Variants in ETHE1 observed in about 807,000 individuals in gnomAD.
The protein encoded by ETHE1 is ETHE1 persulfide dioxygenase, also known as persulfide dioxygenase ETHE1, mitochondrial.
A neutral mutation model predicts 25.7 loss-of-function variants in ETHE1; 16 were observed. That is an observed-to-expected ratio of 0.62 (90% CI 0.42 to 0.95). The LOEUF is 0.95. Among genes scored for constraint, ETHE1 ranks in the 40% least tolerant of loss-of-function variants. ETHE1 has a pLI of 0.00. For synonymous variants in ETHE1, 139 were observed against 135.9 expected, an observed-to-expected ratio of 1.02 and a Z score of -0.16; for missense variants, 300 against 333.6, an observed-to-expected ratio of 0.90 and a Z score of 0.79.
intron 3 of ETHE1, among the ~76,000 whole-genome samples, chr19:43,518,573 C>T (rs370260034): frequency 6.0e-5 from 9 of 150,984 alleles, no homozygotes; most frequent in Admixed American, 4.0e-4. Flanking sequence ...GGTGAAACCC[C>T]GTCTCTACTA....
In ETHE1 at chr19:43,506,916, A is replaced by G. The variant is rs549610268; in HGVS notation, c.713-14T>C. ...GAACAGCAAAGTCTGAAAGGAAGAA[A>G]TCAAGGTTAAAACTAAGGGGCCTAG... is the stretch of plus-strand genomic sequence containing the variant. On this transcript the variant is annotated splice_polypyrimidine_tract_variant and intron_variant, in intron 6 of 6. Coordinates refer to ENST00000292147, the MANE Select transcript of ETHE1 (RefSeq NM_014297.5). The G allele has an allele frequency of 6.2e-7, 1 of 1,613,734 alleles. No homozygotes were observed. The highest frequency in any genetic ancestry group is 1.3e-5 in the African/African-American group (1 of 74,996).
At chr19:43,510,172 A>G (rs1052992797) in intron 4 of ETHE1, among the ~76,000 whole-genome samples, 19 of 151,934 alleles carry the variant, frequency 1.3e-4, no homozygotes, top group African/African-American at 4.6e-4. Flanking sequence ...CCCCACATTC[A>G]CACACATGCT....
chr19:43,509,754 C>A (rs187497262), intron 4 of ETHE1, among the ~76,000 whole-genome samples: 1 of 152,104 alleles, frequency 6.6e-6, no homozygotes, highest in Non-Finnish European at 1.5e-5. Flanking sequence ...CAAGATTGCA[C>A]CACTGCACTC....
At chr19:43,510,914 G>A (rs868646350) in intron 4 of ETHE1, among the ~76,000 whole-genome samples, 26 of 152,096 alleles carry the variant, frequency 1.7e-4, no homozygotes, top group African/African-American at 4.8e-4. Flanking sequence ...CATCACTCCC[G>A]TTACCACCTG....
At chr19:43,518,887 G>GC (rs1357943319) in intron 3 of ETHE1, among the ~76,000 whole-genome samples, 2 of 150,358 alleles carry the variant, frequency 1.3e-5, no homozygotes, top group Non-Finnish European at 1.5e-5. Flanking sequence ...TGGACTTTTT[G>GC]CCCATTTTCA....
chr19:43,508,185 T>G (rs1971833877), intron 5 of ETHE1, 125 bp from the exon 6 acceptor site: 3 of 1,465,202 alleles, frequency 2.0e-6, no homozygotes, highest in Non-Finnish European at 2.8e-6. Flanking sequence ...TTCCTAAAAT[T>G]GCTTTCCCTC....
At chr19:43,510,162 C>A (rs1971881483) in intron 4 of ETHE1, among the ~76,000 whole-genome samples, 1 of 152,042 alleles carries the variant, frequency 6.6e-6, no homozygotes, top group Admixed American at 6.6e-5. Flanking sequence ...CTAGTGTTAA[C>A]CCCACATTCA....
rs1160558441 is a variant in ETHE1, at chr19:43,526,551, G to A, written c.190C>T (p.Leu64=). Reference sequence around the variant, plus strand: ...AGCCGCAGCCCCAGCTCCTTGATCAGCTGGGCATCCCGAGGCGCTGTTTCC... The same window carrying A: ...AGCCGCAGCCCCAGCTCCTTGATCAACTGGGCATCCCGAGGCGCTGTTTCC... ...VLETAPRDAQ[L]IKELGLRLLY... The change falls in exon 2 of 7, where the codon CTG becomes TTG. Residue 64 remains leucine, a synonymous_variant. Coordinates refer to ENST00000292147, the MANE Select transcript of ETHE1 (RefSeq NM_014297.5). The A allele has an allele frequency of 3.1e-6, 5 of 1,613,898 alleles. No individual in the cohort carries two copies. The highest frequency in any genetic ancestry group is 2.2e-5 in the East Asian group (1 of 44,872).
At chr19:43,523,825 A>G (rs1972184536) in intron 3 of ETHE1, among the ~76,000 whole-genome samples, 1 of 152,112 alleles carries the variant, frequency 6.6e-6, no homozygotes, top group South Asian at 2.1e-4. Flanking sequence ...AATCCCAGCT[A>G]TTTGGGAGGC....
chr19:43,517,081 C>G (rs1033160984), intron 3 of ETHE1, among the ~76,000 whole-genome samples: 11 of 151,888 alleles, frequency 7.2e-5, no homozygotes, highest in Non-Finnish European at 2.9e-5. Flanking sequence ...ATCTCAGCCT[C>G]TCAATGTGCT....
intron 4 of ETHE1, among the ~76,000 whole-genome samples, chr19:43,511,000 C>T (rs113090941): frequency 4.6e-5 from 7 of 151,920 alleles, no homozygotes; most frequent in Admixed American, 2.0e-4. Context: ...ACTGCACATG[C>T]GAGGGATCTA....
At chr19:43,522,425 A>C (rs911398141) in intron 3 of ETHE1, among the ~76,000 whole-genome samples, 10 of 152,204 alleles carry the variant, frequency 6.6e-5, no homozygotes, top group Non-Finnish European at 2.9e-5. Context: ...AGCCTGTCTC[A>C]AACAAATTTA....
intron 3 of ETHE1, among the ~76,000 whole-genome samples, chr19:43,514,803 G>T (rs1228227127): frequency 1.3e-5 from 2 of 151,542 alleles, no homozygotes; most frequent in Non-Finnish European, 3.0e-5. Context: ...GTCTTTATTA[G>T]CAGCATGAGA....
chr19:43,515,506 C>T lies in ETHE1; in HGVS notation c.376-3940G>A, dbSNP rs538843764. ...ACATAAACAGTAGTCCTTCCTTATC[C>T]GCAGGGGATACCTCCAAGAACCCAG... On this transcript the variant is annotated intron_variant, in intron 3 of 6. Transcript: ENST00000292147. 1.8e-3 allele frequency among the ~76,000 whole-genome samples: 276 copies of T among 152,088 alleles called. 1 individual carries two copies. Among genetic ancestry groups the T allele is most frequent in the Admixed American group, 3.7e-3 (57 of 15,264 alleles).
At chr19:43,526,777 T>G in intron 1 of ETHE1, 118 bp from the exon 2 acceptor site, 3 of 1,552,546 alleles carry the variant, frequency 1.9e-6, no homozygotes, top group Non-Finnish European at 2.6e-6. Flanking sequence ...CCCAGCCCAC[T>G]CTTTCCCCGG....
intron 3 of ETHE1, among the ~76,000 whole-genome samples, chr19:43,523,644 T>C (rs1236754733): frequency 1.3e-5 from 2 of 151,978 alleles, no homozygotes; most frequent in African/African-American, 4.8e-5. Context: ...ATCTCCAAAA[T>C]CTCAGACAAG....
intron 1 of ETHE1, chr19:43,526,862 C>T: frequency 6.8e-7 from 1 of 1,474,882 alleles, no homozygotes; most frequent in Non-Finnish European, 8.9e-7. Context: ...ATCCCAAAAT[C>T]AGGGTCCCCA....
chr19:43,508,161 C>A, intron 5 of ETHE1, 101 bp from the exon 6 acceptor site: 1 of 1,552,384 alleles, frequency 6.4e-7, no homozygotes, highest in Middle Eastern at 2.3e-4. Context: ...CTGGCAGGGG[C>A]TCTTCCCAGA....
intron 3 of ETHE1, among the ~76,000 whole-genome samples, chr19:43,514,276 T>C (rs999089861): frequency 2.0e-5 from 3 of 152,094 alleles, no homozygotes; most frequent in African/African-American, 7.2e-5. Flanking sequence ...TTTCCCATGC[T>C]ATTCTCATGA....
Sources: gnomAD v4.1 joint callset for allele counts (sites outside exome capture counted in the v4.1 genomes callset) on GRCh38, gnomAD v4.1.1 for gene constraint, MANE v1.5 for transcripts, NCBI Gene and HGNC (gene_info 2026-07-23, HGNC 2026-07-21) for gene names.